Variants in ARPC5L observed in about 807,000 individuals in gnomAD.
The protein encoded by ARPC5L is actin-related protein 2/3 complex subunit 5-like protein.
In ARPC5L, 4 loss-of-function variants were observed where a neutral mutation model predicts 16.9. The observed-to-expected ratio is 0.24, with a 90% CI of 0.12 to 0.54. The LOEUF (loss-of-function observed/expected upper bound fraction) is 0.54. ARPC5L is among the 20% of genes least tolerant of loss of function. The probability of loss-of-function intolerance (pLI) is 0.95; values close to 1 mark genes in which losing one functional copy is unlikely to be tolerated. For synonymous variants in ARPC5L, 78 were observed against 82.6 expected (o/e 0.94, Z 0.30); for missense variants, 151 against 201.9 (o/e 0.75, Z 1.53).
chr9:124,862,681 C>A (rs1829219483), intron 1 of ARPC5L, among the ~76,000 whole-genome samples: 1 of 151,458 alleles, frequency 6.6e-6, no homozygotes, highest in Admixed American at 6.6e-5. Flanking sequence ...TGCACCACCA[C>A]GCCTGGCTAA....
intron 3 of ARPC5L, among the ~76,000 whole-genome samples, chr9:124,872,214 C>T (rs2131336504): frequency 6.6e-6 from 1 of 152,252 alleles, no homozygotes; most frequent in African/African-American, 2.4e-5. Flanking sequence ...GTTAGTTGTG[C>T]CAGGTTTACA....
rs974734919 is a variant in ARPC5L at position 124,877,283 on chromosome 9, G to A, written c.*343G>A. ...TCCAAGGGCTGTGGTAAACGGGAGA[G>A]CTTGTGTTTTTGAAGTGGAAAAAAA... On this transcript the variant is annotated 3_prime_UTR_variant, in exon 6 of 6. Transcript: ENST00000353214. 2 of 244,192 alleles carry A rather than the reference G, an allele frequency of 8.2e-6. No individual in the cohort carries two copies. The highest frequency in any genetic ancestry group is 1.6e-5 in the Non-Finnish European group (2 of 127,676). The allele number at this position is 244,192 out of a possible 1,614,324, so 15.1% of individuals were successfully genotyped here. A position where few individuals can be genotyped will look rare whatever the true frequency, so the allele number is the denominator to read the frequency against.
intron 2 of ARPC5L, among the ~76,000 whole-genome samples, chr9:124,865,878 G>A (rs1462098590): frequency 6.6e-6 from 1 of 151,062 alleles, no homozygotes; most frequent in African/African-American, 2.4e-5. Context: ...AGGCCAAGGC[G>A]GGCAGATCAT....
In ARPC5L at chr9:124,877,646, T is replaced by G. The variant is rs1170169358; in HGVS notation, c.*706T>G. 1 of 152,232 alleles carries G rather than the reference T, an allele frequency of 6.6e-6. No individual in the cohort carries two copies. Among genetic ancestry groups the G allele is most frequent in the Non-Finnish European group, 1.5e-5 (1 of 68,042 alleles). 9.4% of individuals were successfully genotyped at this position (152,232 alleles called of 1,614,324 possible). A position where few individuals can be genotyped will look rare whatever the true frequency, so the allele number is the denominator to read the frequency against. On this transcript the variant is annotated 3_prime_UTR_variant, in exon 6 of 6. Coordinates refer to ENST00000353214, the MANE Select transcript of ARPC5L (RefSeq NM_030978.3). The stretch of plus-strand genomic sequence containing the variant: ...AGAGGTGTTTGCTGAATAAACTATT[T>G]ATTGTTTCTTATTCCTTTGATTTGT...
chr9:124,876,836 G>T, intron 5 of ARPC5L, 42 bp from the exon 6 acceptor site: 11 of 1,574,586 alleles, frequency 7.0e-6, no homozygotes, highest in Middle Eastern at 3.4e-4. Flanking sequence ...CCCTTGGCCA[G>T]CCAGGTCTCA....
intron 5 of ARPC5L, among the ~76,000 whole-genome samples, chr9:124,876,491 AAAAT>A (rs1023660132): frequency 1.2e-4 from 18 of 152,192 alleles, no homozygotes; most frequent in African/African-American, 4.1e-4. Flanking sequence ...CGTCTCAAAA[AAAAT>A]AAATTAGCCG....
At chr9:124,873,831 G>A (rs1829396131) in intron 4 of ARPC5L, 67 bp downstream of exon 4, 2 of 1,571,882 alleles carry the variant, frequency 1.3e-6, no homozygotes, top group African/African-American at 2.7e-5. Context: ...TCTGCCCAGT[G>A]CGAGTGTGAG....
intron 2 of ARPC5L, among the ~76,000 whole-genome samples, chr9:124,865,716 C>T (rs1036467527): frequency 1.3e-5 from 2 of 151,834 alleles, no homozygotes; most frequent in African/African-American, 4.8e-5. Context: ...TTGCTTCAAC[C>T]CAGGGGGCAG....
intron 5 of ARPC5L, among the ~76,000 whole-genome samples, chr9:124,876,056 C>T (rs1801181490): frequency 6.6e-6 from 1 of 152,144 alleles, no homozygotes; most frequent in Non-Finnish European, 1.5e-5. Context: ...GCCTGCCAGT[C>T]ACCTCAGCGG....
intron 1 of ARPC5L, among the ~76,000 whole-genome samples, chr9:124,863,439 G>A (rs1054916227): frequency 2.0e-5 from 3 of 152,284 alleles, no homozygotes; most frequent in Admixed American, 6.5e-5. Context: ...GAGCCACTGC[G>A]CCCGGCTAGT....
chr9:124,865,514 G>A (rs886419515), intron 2 of ARPC5L, among the ~76,000 whole-genome samples: 15 of 152,134 alleles, frequency 9.9e-5, no homozygotes, highest in Admixed American at 5.9e-4. Flanking sequence ...TTAAGGCCGG[G>A]TGAGGTGGCT....
chr9:124,869,418 A>T lies in ARPC5L; in HGVS notation c.128A>T (p.Glu43Val). ...GCGGAGCCAGGCCCGGACCCGAGCG[A>T]GGTGGACGGGCTCCTGCGGCAATAT... ...AAAEPGPDPS[E>V]VDGLLRQGDM... is the part of the protein sequence containing the mutation. Residue 43 changes from glutamate (E) to valine (V), a missense_variant, in exon 3 of 6, where the codon GAG becomes GTG. By Grantham distance (121) the Glu-to-Val change is moderately radical. Transcript: ENST00000353214. 1 of 1,493,934 alleles carries T rather than the reference A, an allele frequency of 6.7e-7. No individual in the cohort carries two copies. Among genetic ancestry groups the T allele is most frequent in the Non-Finnish European group, 8.9e-7 (1 of 1,122,082 alleles). The allele number at this position is 1,493,934 out of a possible 1,614,324, so 92.5% of individuals were successfully genotyped here. A position where few individuals can be genotyped will look rare whatever the true frequency, so the allele number is the denominator to read the frequency against.
intron 3 of ARPC5L, 111 bp from the exon 4 acceptor site, chr9:124,873,581 G>A: frequency 8.2e-7 from 1 of 1,220,600 alleles, no homozygotes; most frequent in Non-Finnish European, 1.2e-6. Context: ...AAGGTGGGTG[G>A]TATGGATGAG....
chr9:124,876,816 A>G, intron 5 of ARPC5L, 62 bp from the exon 6 acceptor site: 1 of 1,412,678 alleles, frequency 7.1e-7, no homozygotes, highest in Non-Finnish European at 9.8e-7. Flanking sequence ...GTCTCTGGCA[A>G]GCCAGGCTCC....
intron 3 of ARPC5L, among the ~76,000 whole-genome samples, chr9:124,870,507 C>CTTT (rs1489238748): frequency 1.3e-5 from 2 of 152,166 alleles, no homozygotes; most frequent in Admixed American, 6.5e-5. Flanking sequence ...GGGCCTGCTG[C>CTTT]TTTAGGGGGA....
At chr9:124,870,778 T>G (rs1829345562) in intron 3 of ARPC5L, among the ~76,000 whole-genome samples, 1 of 152,136 alleles carries the variant, frequency 6.6e-6, no homozygotes, top group Non-Finnish European at 1.5e-5. Context: ...GGACTCTCAT[T>G]GAACAGATGA....
chr9:124,869,341 A>C lies in ARPC5L; in HGVS notation c.51A>C (p.Glu17Asp), dbSNP rs1829320569. Residue 17 changes from glutamate to aspartate, a missense_variant, in exon 3 of 6, where the codon GAA (glutamate) becomes GAC (aspartate). Coordinates refer to ENST00000353214, the MANE Select transcript of ARPC5L (RefSeq NM_030978.3). ...GCTTCCGCCGGGTGGACATCGACGA[A>C]TTTGACGAGAACAAATTTGTGGACG... ...SSRFRRVDID[E>D]FDENKFVDEQ... 6.5e-7 allele frequency: 1 copy of C among 1,531,656 alleles called. No individual in the cohort carries two copies. The highest frequency in any genetic ancestry group is 1.4e-5 in the African/African-American group (1 of 69,924). The allele number at this position is 1,531,656 out of a possible 1,614,324, so 94.9% of individuals were successfully genotyped here.
At position 124,875,723 on chromosome 9, in the gene ARPC5L, C is replaced by T. The variant is rs571575540; in HGVS notation, c.399+572C>T. ...AGCAAGGCCTTTGGCAAGCCTGTGTCGTGCCTGTACCACTGGGGCTGCCTC... is the reference window on the plus strand; with the variant it reads ...AGCAAGGCCTTTGGCAAGCCTGTGTTGTGCCTGTACCACTGGGGCTGCCTC... On this transcript the variant is annotated intron_variant, in intron 5 of 5. Transcript: ENST00000353214. Among the ~76,000 whole-genome samples, 3 of 152,288 alleles carry T rather than the reference C, an allele frequency of 2.0e-5. No homozygotes were observed. In the East Asian group the frequency reaches 5.8e-4, roughly 29 times the overall value.
rs1025806360 is a variant in ARPC5L, at chr9:124,869,068, C to T, written c.-223C>T. On this transcript the variant is annotated 5_prime_UTR_variant, in exon 3 of 6. Coordinates refer to ENST00000353214, the MANE Select transcript of ARPC5L (RefSeq NM_030978.3). Reference sequence around the variant, plus strand: ...GGGGGAGGCTGCGGTGATCCCATACCGCACTCCAGGTGCCAGGCTCCGCCC... The same window carrying T: ...GGGGGAGGCTGCGGTGATCCCATACTGCACTCCAGGTGCCAGGCTCCGCCC... 2 of 422,114 alleles carry T rather than the reference C, an allele frequency of 4.7e-6. No homozygotes were observed. Among genetic ancestry groups the T allele is most frequent in the Middle Eastern group, 6.4e-4 (1 of 1,570 alleles). The allele number at this position is 422,114 out of a possible 1,614,324, so 26.1% of individuals were successfully genotyped here.
Sources: allele counts gnomAD v4.1 joint callset (sites outside exome capture counted in the v4.1 genomes callset), GRCh38; gene constraint gnomAD v4.1.1; transcripts MANE v1.5; gene names NCBI Gene and HGNC (gene_info 2026-07-23, HGNC 2026-07-21).